SCN2A: variants seen among roughly 807,000 people sequenced by gnomAD.
SCN2A encodes sodium channel protein type 2 subunit alpha.
In SCN2A, 20 loss-of-function variants were observed where a neutral mutation model predicts 188.7. That is an observed-to-expected ratio of 0.11 (90% confidence interval 0.07 to 0.15). The LOEUF is 0.15. Ranked by LOEUF, SCN2A falls within the 10% of genes least tolerant of loss-of-function variation. The pLI is 1.00. For missense variants in SCN2A, 1,278 were observed against 2,445.0 expected (o/e 0.52, Z 10.07); for synonymous variants, 804 against 833.1 (o/e 0.97, Z 0.60).
At chr2:165,305,983 T>C (rs921386326) in intron 3 of SCN2A, among the ~76,000 whole-genome samples, 28 of 151,852 alleles carry the variant, frequency 1.8e-4, no homozygotes, top group African/African-American at 6.8e-4. Flanking sequence ...AAGAGAGAGA[T>C]AAGAGATTGC....
chr2:165,384,610 G>C (rs1458629574), intron 25 of SCN2A, among the ~76,000 whole-genome samples: 2 of 152,086 alleles, frequency 1.3e-5, no homozygotes, highest in East Asian at 3.8e-4. Flanking sequence ...AGCCATATCT[G>C]AGAGAAAAAT....
intron 1 of SCN2A, among the ~76,000 whole-genome samples, chr2:165,275,738 C>G (rs899415155): frequency 6.6e-6 from 1 of 151,808 alleles, no homozygotes; most frequent in Non-Finnish European, 1.5e-5. Context: ...TTGAGTTATA[C>G]CCTTTTTTTT....
At chr2:165,386,020 C>A in intron 25 of SCN2A, among the ~76,000 whole-genome samples, 1 of 152,224 alleles carries the variant, frequency 6.6e-6, no homozygotes, top group East Asian at 1.9e-4. Flanking sequence ...AAAACAAATA[C>A]ATTTGAATAC....
intron 14 of SCN2A, among the ~76,000 whole-genome samples, chr2:165,340,685 C>A (rs578115662): frequency 3.3e-5 from 5 of 152,174 alleles, no homozygotes; most frequent in Admixed American, 3.3e-4. Context: ...GGGGTCTAGA[C>A]AGAGAGAGTT....
chr2:165,386,616 A>T, intron 25 of SCN2A, 130 bp from the exon 26 acceptor site: 2 of 975,846 alleles, frequency 2.0e-6, no homozygotes, highest in Admixed American at 2.8e-5. Flanking sequence ...TTTTTTTTGT[A>T]AAATGTTGTG....
chr2:165,282,515 C>A (rs892995448), intron 1 of SCN2A, among the ~76,000 whole-genome samples: 6 of 152,186 alleles, frequency 3.9e-5, no homozygotes, highest in African/African-American at 1.4e-4. Flanking sequence ...AGACAGTTTG[C>A]ATAAATAAGA....
At chr2:165,241,116 TATG>T (rs1000443136) in intron 1 of SCN2A, 6 of 150,850 alleles carry the variant, frequency 4.0e-5, no homozygotes, top group Non-Finnish European at 8.9e-5. Context: ...ATAGACCAGG[TATG>T]ATGATATTCA....
chr2:165,302,390 T>C lies in SCN2A; in HGVS notation c.386+5255T>C, dbSNP rs1010626696. Among the ~76,000 whole-genome samples, 4 of 152,302 alleles carry C rather than the reference T, an allele frequency of 2.6e-5. No individual in the cohort carries two copies. In the South Asian group the frequency reaches 6.2e-4, roughly 24 times the overall value. On this transcript the variant is annotated intron_variant, in intron 3 of 26. Transcript: ENST00000375437. ...CTACTTCAAATTATCCATTTTTACATTAGAAAACCTCTAACATCAGGCTAT... is the reference window on the plus strand; with the variant it reads ...CTACTTCAAATTATCCATTTTTACACTAGAAAACCTCTAACATCAGGCTAT...
intron 16 of SCN2A, among the ~76,000 whole-genome samples, chr2:165,345,349 G>A (rs1036262355): frequency 2.0e-5 from 3 of 152,158 alleles, no homozygotes; most frequent in Non-Finnish European, 2.9e-5. Flanking sequence ...GTATGAGCAA[G>A]TAACATTGTC....
chr2:165,248,304 C>A (rs1693943296), intron 1 of SCN2A, among the ~76,000 whole-genome samples: 1 of 152,150 alleles, frequency 6.6e-6, no homozygotes, highest in South Asian at 2.1e-4. Flanking sequence ...TTAGCCTGGT[C>A]TCCATCCCAT....
chr2:165,268,614 G>T lies in SCN2A; in HGVS notation c.-51-27159G>T. 3 of 152,546 alleles carry T rather than the reference G, an allele frequency of 2.0e-5. No homozygotes were observed. The South Asian group carries it at 5.7e-4, about 29-fold the overall frequency. The allele number at this position is 152,546 out of a possible 1,614,324, so 9.4% of individuals were successfully genotyped here. On this transcript the variant is annotated intron_variant, in intron 1 of 26. Transcript: ENST00000375437. ...GGGAAAAGTTGAAAGCATTCCCCCT[G>T]AGAACTGGAACAAGACAAGGTGACA...
intron 1 of SCN2A, among the ~76,000 whole-genome samples, chr2:165,251,440 A>G (rs1021135743): frequency 3.3e-5 from 5 of 152,162 alleles, no homozygotes; most frequent in Non-Finnish European, 5.9e-5. Flanking sequence ...ATGATATTTT[A>G]TCTCAGGAAT....
At chr2:165,318,667 A>T (rs1238096483) in intron 11 of SCN2A, among the ~76,000 whole-genome samples, 2 of 152,156 alleles carry the variant, frequency 1.3e-5, no homozygotes. Flanking sequence ...TTTTCTTCCA[A>T]CCCTTCTATG....
At chr2:165,345,020 A>G (rs186862526) in intron 16 of SCN2A, 109 bp downstream of exon 16, 175 of 1,344,840 alleles carry the variant, frequency 1.3e-4, no homozygotes, top group Non-Finnish European at 1.7e-4. Flanking sequence ...GCCACTTCCT[A>G]TTGTCTATTA....
chr2:165,369,298 A>G (rs1700899977), intron 19 of SCN2A, among the ~76,000 whole-genome samples: 1 of 152,132 alleles, frequency 6.6e-6, no homozygotes, highest in Non-Finnish European at 1.5e-5. Context: ...CCTTTGCTGT[A>G]GGAGCTCTTT....
intron 14 of SCN2A, among the ~76,000 whole-genome samples, chr2:165,340,989 G>C (rs1036593769): frequency 6.6e-6 from 1 of 152,180 alleles, no homozygotes; most frequent in South Asian, 2.1e-4. Flanking sequence ...TGCAATCTTC[G>C]AAAGAAATCT....
At chr2:165,291,389 TTCCTTCCTTCCTTCC>T (rs1559339847) in intron 1 of SCN2A, among the ~76,000 whole-genome samples, 2 of 149,624 alleles carry the variant, frequency 1.3e-5, no homozygotes, top group Non-Finnish European at 1.5e-5. Flanking sequence ...CCTTCCTTCC[TTCCTTCCTTCCTTCC>T]TTCCTTCCTT....
chr2:165,326,225 T>C (rs547602431), intron 12 of SCN2A, among the ~76,000 whole-genome samples: 1 of 152,330 alleles, frequency 6.6e-6, no homozygotes, highest in African/African-American at 2.4e-5. Flanking sequence ...ATTGGTATTA[T>C]CTCCTTAAAT....
chr2:165,362,007 A>T (rs1329388070), intron 17 of SCN2A, among the ~76,000 whole-genome samples: 2 of 152,068 alleles, frequency 1.3e-5, no homozygotes, highest in Non-Finnish European at 2.9e-5. Flanking sequence ...GAAAGTAAAT[A>T]TCAGATAGGA....
Sources: allele counts gnomAD v4.1 joint callset (sites outside exome capture counted in the v4.1 genomes callset), GRCh38; gene constraint gnomAD v4.1.1; transcripts MANE v1.5; gene names NCBI Gene and HGNC (gene_info 2026-07-23, HGNC 2026-07-21).